The following MARK1 variants were observed in gnomAD, a reference collection of about 807,000 sequenced individuals.
MARK1 encodes microtubule affinity regulating kinase 1.
In MARK1, 40 loss-of-function variants were observed where a neutral mutation model predicts 96.3. That is an observed-to-expected ratio of 0.42 (90% CI 0.32 to 0.54). The LOEUF is 0.54. Ranked by LOEUF, MARK1 falls within the 20% of genes least tolerant of loss-of-function variation. The probability of loss-of-function intolerance (pLI) is 0.16; values close to 1 mark genes in which losing one functional copy is unlikely to be tolerated. For missense variants in MARK1, 719 were observed against 984.6 expected (o/e 0.73, Z 3.61); for synonymous variants, 317 against 341.2 (o/e 0.93, Z 0.78).
rs968389821 is a variant in MARK1, at chr1:220,528,786, C to T, written c.-37C>T. 3 of 1,543,010 alleles carry T rather than the reference C, an allele frequency of 1.9e-6. No individual in the cohort carries two copies. Among genetic ancestry groups the T allele is most frequent in the East Asian group, 2.5e-5 (1 of 40,126 alleles). ...CCCGGGGCCCGCACCACAGCCCGGC[C>T]GGCGAGACCCCGGCCAGACCCCGCT... On this transcript the variant is annotated 5_prime_UTR_variant, in exon 1 of 18. Transcript: ENST00000366917.
chr1:220,645,550 C>T (rs1668531061), intron 13 of MARK1, among the ~76,000 whole-genome samples: 3 of 152,178 alleles, frequency 2.0e-5, no homozygotes, highest in African/African-American at 7.2e-5. Flanking sequence ...GGGACTCCTC[C>T]CTGACTCATT....
chr1:220,556,796 T>G (rs1321929049), intron 1 of MARK1, among the ~76,000 whole-genome samples: 6 of 152,198 alleles, frequency 3.9e-5, no homozygotes, highest in Admixed American at 1.3e-4. Context: ...AAGCAGCAGA[T>G]TATTCCCAGC....
At chr1:220,550,661 T>C (rs979078419) in intron 1 of MARK1, among the ~76,000 whole-genome samples, 8 of 152,224 alleles carry the variant, frequency 5.3e-5, no homozygotes, top group African/African-American at 1.9e-4. Flanking sequence ...TCTAATTCTG[T>C]TTGTCCTGTG....
At chr1:220,556,499 A>AC (rs1249381681) in intron 1 of MARK1, among the ~76,000 whole-genome samples, 12 of 148,116 alleles carry the variant, frequency 8.1e-5, no homozygotes, top group Admixed American at 2.1e-4. Context: ...AAAAAAAAAA[A>AC]AAAAAAACAA....
intron 1 of MARK1, among the ~76,000 whole-genome samples, chr1:220,561,145 G>C (rs1303662434): frequency 6.6e-6 from 1 of 152,104 alleles, no homozygotes; most frequent in Non-Finnish European, 1.5e-5. Flanking sequence ...AGGGATGAAT[G>C]GTAGTGAGAA....
intron 6 of MARK1, among the ~76,000 whole-genome samples, chr1:220,607,836 G>T (rs1666178839): frequency 6.6e-6 from 1 of 152,126 alleles, no homozygotes; most frequent in South Asian, 2.1e-4. Flanking sequence ...ATTGTTTGTT[G>T]TTTATGTGAT....
chr1:220,560,550 C>G (rs1662598795), intron 1 of MARK1, among the ~76,000 whole-genome samples: 1 of 152,126 alleles, frequency 6.6e-6, no homozygotes, highest in Non-Finnish European at 1.5e-5. Context: ...TAGAGTTACT[C>G]AAACATAAAA....
Position 220,654,569 on chromosome 1 carries a change from C to A in MARK1, c.1988+1217C>A, listed in dbSNP as rs12408060. ...CAATTACTATGCAGCATGAAACTTGCTAGAGAAAGAACTAAAAGTTCACCA... is the reference window on the plus strand; with the variant it reads ...CAATTACTATGCAGCATGAAACTTGATAGAGAAAGAACTAAAAGTTCACCA... On this transcript the variant is annotated intron_variant, in intron 16 of 17. Coordinates refer to ENST00000366917, the MANE Select transcript of MARK1 (RefSeq NM_018650.5). This position sits in a 1 kb window ranked among gnomAD's most constrained non-coding sequence, Gnocchi z 4.0. Among the ~76,000 whole-genome samples, 1 of 152,130 alleles carries A rather than the reference C, an allele frequency of 6.6e-6. No homozygotes were observed. Among genetic ancestry groups the A allele is most frequent in the African/African-American group, 2.4e-5 (1 of 41,420 alleles).
chr1:220,583,826 T>C (rs1664413060), intron 3 of MARK1, among the ~76,000 whole-genome samples: 1 of 144,924 alleles, frequency 6.9e-6, no homozygotes, highest in African/African-American at 2.5e-5. Flanking sequence ...TTTTTTTTTT[T>C]TTTTTTTTTT....
intron 17 of MARK1, among the ~76,000 whole-genome samples, chr1:220,660,642 G>A (rs1270932970): frequency 6.6e-6 from 1 of 152,050 alleles, no homozygotes; most frequent in African/African-American, 2.4e-5. Flanking sequence ...AGGATTTTCT[G>A]TATCACGAAT....
chr1:220,620,412 A>T (rs1159821344), intron 9 of MARK1, among the ~76,000 whole-genome samples: 2 of 152,150 alleles, frequency 1.3e-5, no homozygotes, highest in Non-Finnish European at 2.9e-5. Context: ...CTGTTTTGTG[A>T]CTAACTTTTA....
At chr1:220,622,486 A>G (rs1241855663) in intron 9 of MARK1, among the ~76,000 whole-genome samples, 1 of 152,220 alleles carries the variant, frequency 6.6e-6, no homozygotes, top group Non-Finnish European at 1.5e-5. Flanking sequence ...TTAATTCATA[A>G]TTTTTTAATG....
At chr1:220,538,944 C>T (rs1416556530) in intron 1 of MARK1, among the ~76,000 whole-genome samples, 1 of 150,868 alleles carries the variant, frequency 6.6e-6, no homozygotes, top group African/African-American at 2.4e-5. Context: ...GCTGAAGTTG[C>T]TTATCAGCTT....
intron 6 of MARK1, among the ~76,000 whole-genome samples, chr1:220,609,126 T>C (rs908487427): frequency 6.6e-6 from 1 of 152,194 alleles, no homozygotes; most frequent in Non-Finnish European, 1.5e-5. Flanking sequence ...ACCTGTCTCA[T>C]TGATCTGTCT....
At position 220,618,904 on chromosome 1, in the gene MARK1, T is replaced by C; in HGVS notation, c.909+149T>C. ...GTAGGTAGGGAAAATTACATGACTTTTTTTCACTTTCAAAAGTTGCCACAG... is the reference window on the plus strand; with the variant it reads ...GTAGGTAGGGAAAATTACATGACTTCTTTTCACTTTCAAAAGTTGCCACAG... On this transcript the variant is annotated intron_variant, in intron 9 of 17. Coordinates refer to ENST00000366917, the MANE Select transcript of MARK1 (RefSeq NM_018650.5). This position sits in a 1 kb window ranked among gnomAD's most constrained non-coding sequence, Gnocchi z 4.6. 1 of 670,202 alleles carries C rather than the reference T, an allele frequency of 1.5e-6. No homozygotes were observed. Among genetic ancestry groups the C allele is most frequent in the Non-Finnish European group, 2.4e-6 (1 of 421,324 alleles). The allele number at this position is 670,202 out of a possible 1,614,324, so 41.5% of individuals were successfully genotyped here. A position where few individuals can be genotyped will look rare whatever the true frequency, so the allele number is the denominator to read the frequency against.
chr1:220,635,804 T>G (rs769348996), intron 12 of MARK1, 29 bp from the exon 13 acceptor site: 1 of 1,510,644 alleles, frequency 6.6e-7, no homozygotes, highest in East Asian at 2.3e-5. Flanking sequence ...GTTTTTCAGC[T>G]CATTATGCTA....
intron 1 of MARK1, among the ~76,000 whole-genome samples, chr1:220,564,162 CTTAAT>C (rs1304124993): frequency 6.6e-6 from 1 of 152,102 alleles, no homozygotes; most frequent in Non-Finnish European, 1.5e-5. Flanking sequence ...TCTCTGTGAT[CTTAAT>C]TTAATACAAA....
intron 3 of MARK1, among the ~76,000 whole-genome samples, chr1:220,593,776 G>T (rs1040328823): frequency 5.3e-5 from 8 of 152,162 alleles, no homozygotes; most frequent in African/African-American, 1.7e-4. Context: ...GGGACTACCT[G>T]CTCAGACCAA....
chr1:220,626,073 T>C (rs1333554186), intron 9 of MARK1: 3 of 589,054 alleles, frequency 5.1e-6, no homozygotes, highest in Non-Finnish European at 9.9e-6. Flanking sequence ...TACAGTTGTC[T>C]ACTGGTGGCT....
Sources: allele counts gnomAD v4.1 joint callset (sites outside exome capture counted in the v4.1 genomes callset), GRCh38; gene constraint gnomAD v4.1.1; non-coding constraint Gnocchi (gnomAD v3.1); transcripts MANE v1.5; gene names NCBI Gene and HGNC (gene_info 2026-07-23, HGNC 2026-07-21).